Variants in TMCC1 observed in about 807,000 individuals in gnomAD.
TMCC1 encodes transmembrane and coiled-coil domains protein 1.
TMCC1 carries 15 observed loss-of-function variants against 52.4 expected under a neutral mutation model. The ratio of observed to expected loss-of-function variants is 0.29; its 90% CI spans 0.19 to 0.44. TMCC1 has a LOEUF of 0.44. TMCC1 is among the 20% of genes least tolerant of loss of function. The probability of loss-of-function intolerance (pLI) is 1.00; values close to 1 mark genes in which losing one functional copy is unlikely to be tolerated. For synonymous variants in TMCC1, 279 were observed against 301.9 expected (o/e 0.92, Z 0.79); for missense variants, 503 against 806.0 (o/e 0.62, Z 4.55).
At chr3:129,671,540 C>T (rs931181258) in intron 4 of TMCC1, among the ~76,000 whole-genome samples, 1 of 152,188 alleles carries the variant, frequency 6.6e-6, no homozygotes, top group Admixed American at 6.5e-5. Context: ...TTTCTTCACA[C>T]AATAACACTC....
At chr3:129,721,011 G>T (rs2049537025) in intron 4 of TMCC1, among the ~76,000 whole-genome samples, 1 of 152,050 alleles carries the variant, frequency 6.6e-6, no homozygotes, top group Non-Finnish European at 1.5e-5. Context: ...AAGTTTTAAG[G>T]TGGGGTGTTA....
intron 4 of TMCC1, among the ~76,000 whole-genome samples, chr3:129,789,204 T>C (rs972316326): frequency 1.3e-5 from 2 of 152,214 alleles, no homozygotes; most frequent in African/African-American, 2.4e-5. Flanking sequence ...CTAGTGCTTA[T>C]CATTAAGAGG....
chr3:129,806,765 A>C (rs1419423099), intron 4 of TMCC1, among the ~76,000 whole-genome samples: 3 of 152,168 alleles, frequency 2.0e-5, no homozygotes, highest in Non-Finnish European at 4.4e-5. Context: ...TACAAAAAAG[A>C]AGCATTCATA....
At chr3:129,837,346 G>A (rs555000260) in intron 2 of TMCC1, among the ~76,000 whole-genome samples, 1 of 152,122 alleles carries the variant, frequency 6.6e-6, no homozygotes, top group South Asian at 2.1e-4. Context: ...GACTCTCACG[G>A]AGAAACAGCA....
intron 4 of TMCC1, among the ~76,000 whole-genome samples, chr3:129,802,680 G>A (rs938858998): frequency 1.3e-5 from 2 of 152,172 alleles, no homozygotes; most frequent in Non-Finnish European, 2.9e-5. Context: ...CAGTATTCCT[G>A]TGAAAGGAGG....
In TMCC1 at chr3:129,828,446, A is replaced by T; in HGVS notation, c.-68T>A. On this transcript the variant is annotated 5_prime_UTR_variant, in exon 4 of 7. The change abolishes the stop of an existing upstream ORF in the 5' untranslated region. Transcript: ENST00000393238. The surrounding 1 kb of genome is among the most constrained non-coding windows in gnomAD (Gnocchi z 4.1). ...TTAAACACACCAAGAGTGTCAAATTAGGTAGGCATTTGCTTCAACAGTGAC... is the reference window on the plus strand; with the variant it reads ...TTAAACACACCAAGAGTGTCAAATTTGGTAGGCATTTGCTTCAACAGTGAC... 1 of 1,480,954 alleles carries T rather than the reference A, an allele frequency of 6.8e-7. No homozygotes were observed. Among genetic ancestry groups the T allele is most frequent in the Non-Finnish European group, 9.2e-7 (1 of 1,087,422 alleles). The allele number at this position is 1,480,954 out of a possible 1,614,324, so 91.7% of individuals were successfully genotyped here.
chr3:129,889,621 T>C (rs1283459846), intron 1 of TMCC1, among the ~76,000 whole-genome samples: 2 of 152,234 alleles, frequency 1.3e-5, no homozygotes, highest in African/African-American at 4.8e-5. Context: ...TTTTAAAGTC[T>C]ATTTTTAAAA....
At chr3:129,868,627 C>T (rs9829958) in intron 2 of TMCC1, among the ~76,000 whole-genome samples, 12 of 152,204 alleles carry the variant, frequency 7.9e-5, no homozygotes, top group African/African-American at 2.4e-4. Flanking sequence ...TTAGTAGTGA[C>T]GGGGTTTCAC....
chr3:129,851,535 C>G (rs1004633792), intron 2 of TMCC1, among the ~76,000 whole-genome samples: 10 of 152,100 alleles, frequency 6.6e-5, no homozygotes, highest in African/African-American at 2.2e-4. Flanking sequence ...CTATCTTAAT[C>G]AAATTATAAA....
chr3:129,696,702 T>A (rs143145050), intron 4 of TMCC1, among the ~76,000 whole-genome samples: 19 of 152,348 alleles, frequency 1.2e-4, no homozygotes, highest in African/African-American at 4.6e-4. Flanking sequence ...AGTTAGTTAC[T>A]TCCTAGATAC....
At position 129,651,286 on chromosome 3, in the gene TMCC1, A is replaced by G. The variant is rs1243856132; in HGVS notation, c.*195T>C. Reference sequence around the variant, plus strand: ...AAAAATGATCCAAGATTTTCGCCCAAAAAACTTCTTGGATAAAATCTAAAA... The same window carrying G: ...AAAAATGATCCAAGATTTTCGCCCAGAAAACTTCTTGGATAAAATCTAAAA... On this transcript the variant is annotated 3_prime_UTR_variant, in exon 7 of 7. Coordinates refer to ENST00000393238, the MANE Select transcript of TMCC1 (RefSeq NM_001017395.5). This position sits in a 1 kb window ranked among gnomAD's most constrained non-coding sequence, Gnocchi z 5.1. The G allele has an allele frequency of 3.0e-6, 2 of 661,662 alleles. No homozygotes were observed. Among genetic ancestry groups the G allele is most frequent in the Admixed American group, 3.2e-5 (1 of 30,984 alleles). 41.0% of individuals were successfully genotyped at this position (661,662 alleles called of 1,614,324 possible).
chr3:129,775,857 A>T (rs1024912212), intron 4 of TMCC1, among the ~76,000 whole-genome samples: 2 of 152,190 alleles, frequency 1.3e-5, no homozygotes, highest in Non-Finnish European at 2.9e-5. Context: ...TAAAAATATA[A>T]ATCAGATCAT....
chr3:129,663,337 T>C (rs2087189378), intron 5 of TMCC1, among the ~76,000 whole-genome samples: 1 of 152,152 alleles, frequency 6.6e-6, no homozygotes, highest in East Asian at 1.9e-4. Flanking sequence ...CAGGAAGAAC[T>C]AGGTCCCAGG....
chr3:129,759,999 G>A (rs1289533554), intron 4 of TMCC1, among the ~76,000 whole-genome samples: 4 of 151,816 alleles, frequency 2.6e-5, no homozygotes, highest in Non-Finnish European at 1.5e-5. Context: ...AGGATTACAG[G>A]AGTGAGCCAC....
At chr3:129,786,557 T>C (rs1392594472) in intron 4 of TMCC1, among the ~76,000 whole-genome samples, 3 of 152,216 alleles carry the variant, frequency 2.0e-5, no homozygotes, top group Non-Finnish European at 4.4e-5. Context: ...ATTTCCTCTG[T>C]GGGACTTTTC....
chr3:129,816,049 C>T lies in TMCC1; in HGVS notation c.576+11754G>A, dbSNP rs553371669. ...AAAACCACAATGAGACATCACATCACCCCAGTTAGAATGGCTTTTATCAAA... is the reference window on the plus strand; with the variant it reads ...AAAACCACAATGAGACATCACATCATCCCAGTTAGAATGGCTTTTATCAAA... On this transcript the variant is annotated intron_variant, in intron 4 of 6. Coordinates refer to ENST00000393238, the MANE Select transcript of TMCC1 (RefSeq NM_001017395.5). Among the ~76,000 whole-genome samples the T allele has an allele frequency of 2.6e-5, 4 of 152,180 alleles. No homozygotes were observed. In the East Asian group the frequency reaches 7.7e-4, roughly 29 times the overall value.
chr3:129,840,246 G>A (rs1214181234), intron 2 of TMCC1, among the ~76,000 whole-genome samples: 2 of 139,194 alleles, frequency 1.4e-5, no homozygotes, highest in African/African-American at 5.4e-5. Context: ...AGGATTGATT[G>A]AACCCAGGAG....
chr3:129,794,398 G>A (rs764898025), intron 4 of TMCC1: 5 of 455,792 alleles, frequency 1.1e-5, no homozygotes, highest in South Asian at 3.1e-5. Context: ...AGCAATCCAC[G>A]AAGGGTTTTT....
intron 4 of TMCC1, among the ~76,000 whole-genome samples, chr3:129,763,127 G>A (rs958579954): frequency 2.0e-5 from 3 of 150,438 alleles, no homozygotes; most frequent in African/African-American, 7.4e-5. Context: ...GAACCCGGGA[G>A]GCGGAGCTTG....
Sources: allele counts gnomAD v4.1 joint callset (sites outside exome capture counted in the v4.1 genomes callset), GRCh38; gene constraint gnomAD v4.1.1; non-coding constraint Gnocchi (gnomAD v3.1); transcripts MANE v1.5; gene names NCBI Gene and HGNC (gene_info 2026-07-23, HGNC 2026-07-21).